Variants in CFAP77 observed in about 807,000 individuals in gnomAD.
CFAP77 encodes cilia- and flagella-associated protein 77.
In CFAP77, 25 loss-of-function variants were observed where a neutral mutation model predicts 31.1. The observed-to-expected ratio is 0.80, with a 90% CI of 0.59 to 1.12. The LOEUF (loss-of-function observed/expected upper bound fraction) is 1.12. CFAP77 is among the 50% of genes most tolerant of loss of function. CFAP77 has a pLI of 0.00. For synonymous variants in CFAP77, 151 were observed against 159.9 expected (o/e 0.94, Z 0.42); for missense variants, 377 against 397.3 (o/e 0.95, Z 0.44).
chr9:132,416,287 A>G (rs1850093990), intron 1 of CFAP77, among the ~76,000 whole-genome samples: 1 of 146,162 alleles, frequency 6.8e-6, no homozygotes, highest in Non-Finnish European at 1.5e-5. Context: ...GGCATATGCT[A>G]TAACTGTTGA....
chr9:132,531,376 G>A (rs1484013831), intron 3 of CFAP77, among the ~76,000 whole-genome samples: 1 of 152,192 alleles, frequency 6.6e-6, no homozygotes, highest in African/African-American at 2.4e-5. Context: ...CGCCCCCCGC[G>A]TGGGAGGGCG....
chr9:132,478,740 A>T (rs1851395574), intron 1 of CFAP77, among the ~76,000 whole-genome samples: 1 of 152,138 alleles, frequency 6.6e-6, no homozygotes, highest in Non-Finnish European at 1.5e-5. Flanking sequence ...GCCCTTTAAA[A>T]CCAAAATGAT....
chr9:132,571,135 C>G (rs1414421968), intron 5 of CFAP77, among the ~76,000 whole-genome samples: 4 of 152,174 alleles, frequency 2.6e-5, no homozygotes. Context: ...GTGGTCAACC[C>G]TGGCCTGGAT....
intron 3 of CFAP77, among the ~76,000 whole-genome samples, chr9:132,520,964 G>A (rs185561332): frequency 1.7e-4 from 26 of 152,356 alleles, no homozygotes; most frequent in African/African-American, 5.5e-4. Context: ...CAGAAGCACA[G>A]ATGTTCCCAA....
Position 132,572,520 on chromosome 9 carries a change from C to T in CFAP77, c.*10C>T. 6.3e-7 allele frequency: 1 copy of T among 1,593,902 alleles called. No homozygotes were observed. The highest frequency in any genetic ancestry group is 1.3e-5 in the African/African-American group (1 of 74,620). ...CTACACCCACCCCTAGCCCCTCCCT[C>T]CCCTGCCACAAGAAGCCATCTTGAC... On this transcript the variant is annotated 3_prime_UTR_variant, in exon 6 of 6. Transcript: ENST00000393216.
chr9:132,489,504 A>G, intron 1 of CFAP77, among the ~76,000 whole-genome samples: 1 of 152,204 alleles, frequency 6.6e-6, no homozygotes, highest in Non-Finnish European at 1.5e-5. Flanking sequence ...GAGTTCAGGG[A>G]GAAGCAAAAA....
rs1851635090 is a variant in CFAP77 at position 132,490,474 on chromosome 9, C to T, written c.196-8221C>T. ...AGGTTCTTAACAGGCTTCACACAGC[C>T]CCTCTGAGGTGCCCAGAGACCCGCC... On this transcript the variant is annotated intron_variant, in intron 1 of 5. Coordinates refer to ENST00000393216, the MANE Select transcript of CFAP77 (RefSeq NM_001282957.2). The surrounding 1 kb of genome is among the most constrained non-coding windows in gnomAD (Gnocchi z 4.6). Among the ~76,000 whole-genome samples the T allele has an allele frequency of 6.6e-6, 1 of 152,126 alleles. No individual in the cohort carries two copies. Among genetic ancestry groups the T allele is most frequent in the Non-Finnish European group, 1.5e-5 (1 of 68,016 alleles).
chr9:132,482,231 T>C, intron 1 of CFAP77: 3 of 786,820 alleles, frequency 3.8e-6, no homozygotes, highest in Non-Finnish European at 4.2e-6. Context: ...TTAAATCTGC[T>C]CACTCAGGGT....
rs1051757563 is a variant in CFAP77, at chr9:132,447,471, G to A, written c.195+37005G>A. On this transcript the variant is annotated intron_variant, in intron 1 of 5. Coordinates refer to ENST00000393216, the MANE Select transcript of CFAP77 (RefSeq NM_001282957.2). ...AGTGTAAGGTGGCCTGCCCTGACTAGGCTGCCTGGGGTCTTGTCTTCACTC... is the reference window on the plus strand; with the variant it reads ...AGTGTAAGGTGGCCTGCCCTGACTAAGCTGCCTGGGGTCTTGTCTTCACTC... 3.9e-5 allele frequency among the ~76,000 whole-genome samples: 6 copies of A among 152,336 alleles called. No homozygotes were observed. In the East Asian group the frequency reaches 9.6e-4, roughly 24 times the overall value.
intron 1 of CFAP77, among the ~76,000 whole-genome samples, chr9:132,489,151 T>C (rs1367690398): frequency 1.3e-5 from 2 of 152,186 alleles, no homozygotes; most frequent in Non-Finnish European, 2.9e-5. Context: ...CCTCCAACAC[T>C]TCAGAATTCC....
Position 132,532,719 on chromosome 9 carries a change from G to T in CFAP77, c.525-4882G>T, listed in dbSNP as rs1189953101. On this transcript the variant is annotated intron_variant, in intron 3 of 5. Transcript: ENST00000393216. ...GAAATTAAGTCACAGGGTAAGTTCT[G>T]AGGTTCTGACCCCTTCCTGGGGCAT... Among the ~76,000 whole-genome samples, 45 of 152,044 alleles carry T rather than the reference G, an allele frequency of 3.0e-4. 1 individual carries two copies. The highest frequency in any genetic ancestry group is 2.9e-3 in the Admixed American group (45 of 15,262).
At chr9:132,438,541 A>ATATATATTTTTTT in intron 1 of CFAP77, among the ~76,000 whole-genome samples, 1 of 108,154 alleles carries the variant, frequency 9.2e-6, no homozygotes, top group Non-Finnish European at 1.8e-5. Flanking sequence ...ATATATATAT[A>ATATATATTTTTTT]TTTTTTTTTT....
Position 132,429,675 on chromosome 9 carries a change from TCTA to T in CFAP77, c.195+19213_195+19215del, listed in dbSNP as rs199720921. Among the ~76,000 whole-genome samples, 1,025 of 142,188 alleles carry T rather than the reference TCTA, an allele frequency of 7.2e-3. 36 individuals are homozygous for T. The highest frequency in any genetic ancestry group is 0.058 in the Admixed American group (810 of 13,978). The allele number at this position is 142,188 out of a possible 152,430, so 93.3% of individuals were successfully genotyped here. On this transcript the variant is annotated intron_variant, in intron 1 of 5. Transcript: ENST00000393216. ...CTGGCTAACACGGCGAAACCCCGTC[TCTA>T]CTAACAAAATACAAAAAAAAAAAAA...
intron 1 of CFAP77, among the ~76,000 whole-genome samples, chr9:132,436,548 C>G (rs1240840676): frequency 6.6e-6 from 1 of 152,190 alleles, no homozygotes; most frequent in Non-Finnish European, 1.5e-5. Flanking sequence ...ATTTTTCACT[C>G]TTGCTTCAAC....
chr9:132,465,252 T>C (rs1243241995), intron 1 of CFAP77, among the ~76,000 whole-genome samples: 1 of 152,180 alleles, frequency 6.6e-6, no homozygotes, highest in African/African-American at 2.4e-5. Context: ...ATCTTTACTA[T>C]GGAGTTCGAT....
intron 5 of CFAP77, among the ~76,000 whole-genome samples, chr9:132,563,949 C>G (rs1829855598): frequency 1.3e-5 from 2 of 152,194 alleles, no homozygotes; most frequent in Admixed American, 6.5e-5. Flanking sequence ...TGTGGGACCC[C>G]AGCACCAGCT....
At chr9:132,486,026 A>ATATGTATGTGTGTGTG (rs1564223011) in intron 1 of CFAP77, among the ~76,000 whole-genome samples, 1 of 26,816 alleles carries the variant, frequency 3.7e-5, no homozygotes, top group African/African-American at 3.0e-4. Flanking sequence ...ATATATATAT[A>ATATGTATGTGTGTGTG]TATATATATA....
chr9:132,539,884 C>T lies in CFAP77; in HGVS notation c.630+2178C>T, dbSNP rs573673909. The stretch of plus-strand genomic sequence containing the variant: ...ATTACCAGCACAAACTGCTTTCTAG[C>T]CCCGCATTAGAGCTGGGAGTTTTTT... On this transcript the variant is annotated intron_variant, in intron 4 of 5. Coordinates refer to ENST00000393216, the MANE Select transcript of CFAP77 (RefSeq NM_001282957.2). This position sits in a 1 kb window ranked among gnomAD's most constrained non-coding sequence, Gnocchi z 4.3. Among the ~76,000 whole-genome samples, 225 of 152,338 alleles carry T rather than the reference C, an allele frequency of 1.5e-3. 1 individual carries two copies. Among genetic ancestry groups the T allele is most frequent in the South Asian group, 2.9e-3 (14 of 4,828 alleles).
chr9:132,531,298 C>T (rs930803206), intron 3 of CFAP77, among the ~76,000 whole-genome samples: 24 of 152,198 alleles, frequency 1.6e-4, no homozygotes, highest in African/African-American at 5.5e-4. Context: ...AAACCATACC[C>T]GCCCTCGTGA....
Sources: allele counts gnomAD v4.1 joint callset (sites outside exome capture counted in the v4.1 genomes callset), GRCh38; gene constraint gnomAD v4.1.1; non-coding constraint Gnocchi (gnomAD v3.1); transcripts MANE v1.5; gene names NCBI Gene and HGNC (gene_info 2026-07-23, HGNC 2026-07-21).